Variants in SHROOM2 observed in about 807,000 individuals in gnomAD.
The protein encoded by SHROOM2 is protein Shroom2.
In SHROOM2, 33 loss-of-function variants were observed where a neutral mutation model predicts 75.9. The ratio of observed to expected loss-of-function variants is 0.43; its 90% CI spans 0.33 to 0.58. The LOEUF (loss-of-function observed/expected upper bound fraction) is 0.58. SHROOM2 is among the 20% of genes least tolerant of loss of function. The pLI is 0.04. For synonymous variants in SHROOM2, 655 were observed against 663.6 expected (o/e 0.99, Z 0.20); for missense variants, 1,434 against 1,461.2 (o/e 0.98, Z 0.30).
Position 9,895,974 on chromosome X carries a change from C to T in SHROOM2, c.2066C>T (p.Ala689Val), listed in dbSNP as rs777957251. 3 of 1,199,409 alleles carry T rather than the reference C, an allele frequency of 2.5e-6. No homozygotes were observed. Among genetic ancestry groups the T allele is most frequent in the African/African-American group, 3.5e-5 (2 of 57,162 alleles). ...AAAGACCACCTGAAAGAGGCCCAAG[C>T]CCGGGTCCTGAGGGCCACGTCCTTC... Reference protein sequence around the residue: ...TYKDHLKEAQARVLRATSFKR... With the variant: ...TYKDHLKEAQVRVLRATSFKR... Residue 689 changes from alanine (A) to valine (V), a missense_variant, in exon 4 of 10, where the codon GCC becomes GTC. By Grantham distance (64) the Ala-to-Val change is moderately conservative. Around this residue, in one of 3 missense-constraint regions of SHROOM2, gnomAD observed 1,340 missense variants for 1,338.3 expected, o/e 1.00. Coordinates refer to ENST00000380913, the MANE Select transcript of SHROOM2 (RefSeq NM_001649.4).
chrX:9,941,797 C>G (rs1186370157), intron 8 of SHROOM2, among the ~76,000 whole-genome samples: 2 of 108,416 alleles, frequency 1.8e-5, no homozygotes, highest in Non-Finnish European at 3.9e-5. Context: ...TGGTGAAACC[C>G]CGTCTCTACT....
chrX:9,815,458 G>GTGTGTA (rs1318129530), intron 1 of SHROOM2, among the ~76,000 whole-genome samples: 8 of 106,117 alleles, frequency 7.5e-5, no homozygotes, highest in Non-Finnish European at 1.5e-4. Flanking sequence ...GTGTGTGTGT[G>GTGTGTA]TGTGTGTGTG....
At chrX:9,786,865 C>T (rs972549495) in intron 1 of SHROOM2, among the ~76,000 whole-genome samples, 155 bp downstream of exon 1, 2 of 111,908 alleles carry the variant, frequency 1.8e-5, no homozygotes, top group Non-Finnish European at 3.8e-5. Flanking sequence ...GCGCCGGGAC[C>T]GGCGTGGGCG....
intron 1 of SHROOM2, among the ~76,000 whole-genome samples, chrX:9,858,022 C>T (rs945603345): frequency 2.7e-5 from 3 of 111,688 alleles, no homozygotes; most frequent in African/African-American, 9.8e-5. Flanking sequence ...CACTCCAGGG[C>T]TTTATGTTTT....
At chrX:9,899,481 C>G (rs1039692262) in intron 5 of SHROOM2, among the ~76,000 whole-genome samples, 2 of 111,659 alleles carry the variant, frequency 1.8e-5, no homozygotes, top group African/African-American at 6.5e-5. Flanking sequence ...CCTCAAAACT[C>G]AAGGTTCTGT....
intron 1 of SHROOM2, among the ~76,000 whole-genome samples, chrX:9,812,011 TG>T (rs765972441): frequency 6.7e-4 from 75 of 111,944 alleles, no homozygotes; most frequent in Non-Finnish European, 1.3e-3. Context: ...TATGGCTAGA[TG>T]GGCCAGAAAG....
intron 1 of SHROOM2, among the ~76,000 whole-genome samples, chrX:9,846,592 G>A (rs1249817496): frequency 8.9e-6 from 1 of 112,204 alleles, no homozygotes; most frequent in Non-Finnish European, 1.9e-5. Context: ...ATCACACCCG[G>A]CCAATTATTT....
At chrX:9,934,022 G>A (rs952686290) in intron 6 of SHROOM2, among the ~76,000 whole-genome samples, 4 of 111,357 alleles carry the variant, frequency 3.6e-5, no homozygotes, top group African/African-American at 9.8e-5. Context: ...TGGAGCCCAG[G>A]GAGGCCACTC....
At chrX:9,910,641 A>G (rs1424524358) in intron 5 of SHROOM2, among the ~76,000 whole-genome samples, 1 of 109,085 alleles carries the variant, frequency 9.2e-6, no homozygotes, top group African/African-American at 3.3e-5. Context: ...ACATGGTGAA[A>G]CCCCGTCTCT....
At chrX:9,849,584 C>G (rs985200635) in intron 1 of SHROOM2, among the ~76,000 whole-genome samples, 2 of 111,418 alleles carry the variant, frequency 1.8e-5, no homozygotes, top group Non-Finnish European at 3.8e-5. Flanking sequence ...GGCAGCTTTA[C>G]ACGTCGCCTT....
Position 9,855,295 on chromosome X carries a change from T to TAAAAAAAAA in SHROOM2, c.166-18339_166-18331dup, listed in dbSNP as rs57235424. ...ATGTATCCCAGAACTTAAAGTATAGTAAAAAAAAAAAAAAAAAAAAAAAAA... is the reference window on the plus strand; with the variant it reads ...ATGTATCCCAGAACTTAAAGTATAGTAAAAAAAAAAAAAAAAAAAAAAAAAAAAAAAAAA... On this transcript the variant is annotated intron_variant, in intron 1 of 9. Coordinates refer to ENST00000380913, the MANE Select transcript of SHROOM2 (RefSeq NM_001649.4). Among the ~76,000 whole-genome samples the TAAAAAAAAA allele has an allele frequency of 6.6e-4, 26 of 39,294 alleles. 2 individuals carry two copies. Among genetic ancestry groups the TAAAAAAAAA allele is most frequent in the African/African-American group, 1.8e-3 (19 of 10,800 alleles). The allele number at this position is 39,294 out of a possible 115,157, so 34.1% of individuals were successfully genotyped here.
intron 1 of SHROOM2, among the ~76,000 whole-genome samples, chrX:9,811,769 GTC>G (rs2083792740): frequency 1.8e-5 from 2 of 111,767 alleles, no homozygotes; most frequent in Non-Finnish European, 3.8e-5. Context: ...ATGCAGAACT[GTC>G]TGTGAACCAG....
At chrX:9,808,418 A>G (rs1409726812) in intron 1 of SHROOM2, among the ~76,000 whole-genome samples, 1 of 106,513 alleles carries the variant, frequency 9.4e-6, no homozygotes, top group Non-Finnish European at 1.9e-5. Flanking sequence ...GTGGTGGTGC[A>G]CACCTATAGT....
chrX:9,939,357 G>T lies in SHROOM2; in HGVS notation c.4302G>T (p.Ser1434=), dbSNP rs1373102900. Residue 1434 remains serine, a synonymous_variant, in exon 8 of 10, where the codon TCG becomes TCT. Coordinates refer to ENST00000380913, the MANE Select transcript of SHROOM2 (RefSeq NM_001649.4). The part of the protein sequence containing the change: ...DSGSDLDHDL[S]VKKQELIESI... ...GAAGCGACTTGGACCACGACCTGTC[G>T]GTGAAGAAGGTAGGAGAGTCCATTC... 1 of 1,203,180 alleles carries T rather than the reference G, an allele frequency of 8.3e-7. No individual in the cohort carries two copies. Among genetic ancestry groups the T allele is most frequent in the Non-Finnish European group, 1.1e-6 (1 of 891,103 alleles).
chrX:9,873,200 G>A (rs1270990393), intron 1 of SHROOM2, among the ~76,000 whole-genome samples: 2 of 112,218 alleles, frequency 1.8e-5, no homozygotes, highest in African/African-American at 6.5e-5. Flanking sequence ...ATTGATGGTG[G>A]TGATGGTTGT....
At chrX:9,946,401 G>A (rs1000656220) in intron 9 of SHROOM2, among the ~76,000 whole-genome samples, 2 of 112,827 alleles carry the variant, frequency 1.8e-5, no homozygotes, top group Non-Finnish European at 3.8e-5. Flanking sequence ...GCAGGTGGGA[G>A]AGAGTCAGGC....
chrX:9,904,274 C>T (rs1601980420), intron 5 of SHROOM2, among the ~76,000 whole-genome samples: 1 of 111,827 alleles, frequency 8.9e-6, no homozygotes, highest in Non-Finnish European at 1.9e-5. Flanking sequence ...AATCCCAGCA[C>T]TTTGGGAGTC....
At chrX:9,819,431 G>C in intron 1 of SHROOM2, 1 of 391,193 alleles carries the variant, frequency 2.6e-6, no homozygotes, top group Non-Finnish European at 4.6e-6. Context: ...TCTTGTAATA[G>C]AACTGGTCTG....
intron 1 of SHROOM2, among the ~76,000 whole-genome samples, chrX:9,792,492 C>G (rs1471478003): frequency 9.4e-5 from 10 of 105,995 alleles, no homozygotes; most frequent in Non-Finnish European, 1.7e-4. Context: ...TTTTAAATCC[C>G]CAGCGTATTA....
Sources: gnomAD v4.1 joint callset for allele counts (sites outside exome capture counted in the v4.1 genomes callset) on GRCh38, gnomAD v4.1.1 for gene constraint, gnomAD v4.1.1 regional missense constraint, MANE v1.5 for transcripts, NCBI Gene and HGNC (gene_info 2026-07-23, HGNC 2026-07-21) for gene names.